Variants in STK3 observed in about 807,000 individuals in gnomAD.
STK3 encodes serine/threonine-protein kinase 3.
Under a neutral mutation model 58.0 loss-of-function variants are expected in STK3, and 41 were observed. That is an observed-to-expected ratio of 0.71 (90% CI 0.55 to 0.92). The LOEUF is 0.92. Among genes scored for constraint, STK3 ranks in the 40% least tolerant of loss-of-function variants. STK3 has a pLI of 0.00. For synonymous variants in STK3, 170 were observed against 191.0 expected (o/e 0.89, Z 0.91); for missense variants, 479 against 602.7 (o/e 0.79, Z 2.15).
downstream of STK3, chr8:98,401,349 C>T (rs775655208): frequency 1.4e-4 from 22 of 152,214 alleles, no homozygotes; most frequent in Non-Finnish European, 2.9e-4. Flanking sequence ...CCCAGCCAAC[C>T]CCCAGAACCT....
At chr8:98,734,754 T>A (rs1432882660) in intron 4 of STK3, among the ~76,000 whole-genome samples, 3 of 152,024 alleles carry the variant, frequency 2.0e-5, no homozygotes, top group African/African-American at 7.2e-5. Context: ...AATTTCTTCA[T>A]GGGAAACCTT....
intron 6 of STK3, among the ~76,000 whole-genome samples, chr8:98,645,212 T>C (rs1820312116): frequency 1.3e-5 from 2 of 152,216 alleles, no homozygotes; most frequent in South Asian, 4.1e-4. Context: ...ACAGCAGAAC[T>C]AGAAGCAGAG....
At chr8:98,639,509 T>C (rs1317639809) in intron 6 of STK3, among the ~76,000 whole-genome samples, 1 of 152,240 alleles carries the variant, frequency 6.6e-6, no homozygotes, top group Non-Finnish European at 1.5e-5. Context: ...GAAAATGACA[T>C]GACACTGTGA....
chr8:98,486,616 T>G (rs1822287443), intron 10 of STK3, among the ~76,000 whole-genome samples: 1 of 151,618 alleles, frequency 6.6e-6, no homozygotes, highest in Non-Finnish European at 1.5e-5. Flanking sequence ...AATTCTGGAG[T>G]GTGAAAGTCC....
chr8:98,596,470 C>A (rs1195349044), intron 6 of STK3: 1 of 193,468 alleles, frequency 5.2e-6, no homozygotes, highest in African/African-American at 2.3e-5. Flanking sequence ...TAAGGACTTT[C>A]CCTAAACATA....
upstream of STK3, among the ~76,000 whole-genome samples, chr8:98,830,647 A>G (rs1404056621): frequency 1.3e-5 from 2 of 152,222 alleles, no homozygotes; most frequent in African/African-American, 4.8e-5. Flanking sequence ...AGATACAGGT[A>G]AGGGTCACCC....
intron 10 of STK3, among the ~76,000 whole-genome samples, chr8:98,518,398 C>T (rs568623971): frequency 2.6e-5 from 4 of 152,026 alleles, no homozygotes; most frequent in African/African-American, 7.2e-5. Flanking sequence ...GAAAGTGAAA[C>T]GCTCATTCTA....
At chr8:98,782,492 A>C in intron 1 of STK3, 2 of 283,478 alleles carry the variant, frequency 7.1e-6, no homozygotes, top group Non-Finnish European at 1.4e-5. Context: ...ACAGACCCAC[A>C]AGATGCTCCT....
chr8:98,456,324 T>C (rs1429361099), intron 10 of STK3, among the ~76,000 whole-genome samples: 1 of 152,166 alleles, frequency 6.6e-6, no homozygotes, highest in Non-Finnish European at 1.5e-5. Flanking sequence ...AACAAACAGA[T>C]TTTCAGAATA....
chr8:98,623,365 A>G (rs1332461958), intron 6 of STK3, among the ~76,000 whole-genome samples: 1 of 152,144 alleles, frequency 6.6e-6, no homozygotes, highest in African/African-American at 2.4e-5. Context: ...ATGTTACTGT[A>G]TTTGCAGATT....
chr8:98,749,309 A>G lies in STK3; in HGVS notation c.318T>C (p.Ser106=). 1 of 1,609,484 alleles carries G rather than the reference A, an allele frequency of 6.2e-7. No individual in the cohort carries two copies. ...WIVMEYCGAG[S]VSDIIRLRNK... The stretch of plus-strand genomic sequence containing the variant: ...TTCGTAATCTAATTATGTCTGAGAC[A>G]GAGCCAGCGCCACAGTACTCCATAA... Residue 106 remains serine, a synonymous_variant, in exon 4 of 11, where the codon TCT becomes TCC. Coordinates refer to ENST00000419617, the MANE Select transcript of STK3 (RefSeq NM_006281.4).
At chr8:98,777,146 TGTCA>T (rs1391959907) in intron 1 of STK3, among the ~76,000 whole-genome samples, 1 of 152,170 alleles carries the variant, frequency 6.6e-6, no homozygotes, top group Non-Finnish European at 1.5e-5. Flanking sequence ...CTTCAGAGTC[TGTCA>T]GTAAGTTGGA....
At chr8:98,907,681 T>G (rs773393260) in intron 1 of STK3, among the ~76,000 whole-genome samples, 1 of 152,210 alleles carries the variant, frequency 6.6e-6, no homozygotes, top group Non-Finnish European at 1.5e-5. Context: ...AGAAAGCTCT[T>G]TTTGAGAAAT....
At chr8:98,934,392 A>C (rs1379664075) in intron 1 of STK3, among the ~76,000 whole-genome samples, 4 of 152,176 alleles carry the variant, frequency 2.6e-5, no homozygotes, top group African/African-American at 9.7e-5. Context: ...TCTCTTTTCC[A>C]AGTCCGACCC....
intron 4 of STK3, among the ~76,000 whole-genome samples, chr8:98,730,649 G>C (rs1384816127): frequency 7.0e-6 from 1 of 143,630 alleles, no homozygotes; most frequent in East Asian, 2.1e-4. Flanking sequence ...ATGGGAAGCA[G>C]AGGTTGCAGT....
At chr8:98,620,578 A>G (rs890645869) in intron 6 of STK3, among the ~76,000 whole-genome samples, 1 of 151,574 alleles carries the variant, frequency 6.6e-6, no homozygotes, top group Non-Finnish European at 1.5e-5. Flanking sequence ...ATAAAAATGA[A>G]AATACAACAA....
At chr8:98,728,263 TA>T (rs954926707) in intron 4 of STK3, among the ~76,000 whole-genome samples, 7 of 151,948 alleles carry the variant, frequency 4.6e-5, no homozygotes, top group Admixed American at 3.3e-4. Flanking sequence ...TTATAAACAA[TA>T]AAAAAAGTTA....
intron 10 of STK3, among the ~76,000 whole-genome samples, chr8:98,500,635 A>G (rs959684543): frequency 1.3e-5 from 2 of 152,068 alleles, no homozygotes; most frequent in East Asian, 3.9e-4. Flanking sequence ...TTTAGTCATA[A>G]CCTATGAGTG....
intron 6 of STK3, among the ~76,000 whole-genome samples, chr8:98,694,915 A>G (rs942687066): frequency 2.6e-5 from 4 of 151,428 alleles, no homozygotes; most frequent in South Asian, 2.1e-4. Flanking sequence ...AGATCCCTGA[A>G]GAATCGCCAC....
Sources: gnomAD v4.1 joint callset for allele counts (sites outside exome capture counted in the v4.1 genomes callset) on GRCh38, gnomAD v4.1.1 for gene constraint, MANE v1.5 for transcripts, NCBI Gene and HGNC (gene_info 2026-07-23, HGNC 2026-07-21) for gene names.